RABGAP1L: variants seen among roughly 807,000 people sequenced by gnomAD.
RABGAP1L encodes the protein rab GTPase-activating protein 1-like.
A neutral mutation model predicts 137.7 loss-of-function variants in RABGAP1L; 63 were observed. That is an observed-to-expected ratio of 0.46 (90% CI 0.37 to 0.56). The LOEUF (loss-of-function observed/expected upper bound fraction) is 0.56, where lower values mean the gene tolerates loss of function less well. RABGAP1L is among the 20% of genes least tolerant of loss of function. The pLI is 0.00. For missense variants in RABGAP1L, 1,095 were observed against 1,244.0 expected, an observed-to-expected ratio of 0.88 and a Z score of 1.80; for synonymous variants, 431 against 433.7, an observed-to-expected ratio of 0.99 and a Z score of 0.08.
chr1:174,615,708 C>G (rs1373483622), intron 13 of RABGAP1L, among the ~76,000 whole-genome samples: 2 of 152,188 alleles, frequency 1.3e-5, no homozygotes, highest in Non-Finnish European at 2.9e-5. Context: ...AGGCAGGCCT[C>G]CTTGAGCTGT....
chr1:174,680,099 T>C (rs1677938939), intron 14 of RABGAP1L, among the ~76,000 whole-genome samples: 1 of 152,208 alleles, frequency 6.6e-6, no homozygotes, highest in African/African-American at 2.4e-5. Context: ...ACTTGCTCTT[T>C]GAAAAACAGC....
intron 19 of RABGAP1L, chr1:174,897,242 T>C (rs1462402410): frequency 6.6e-6 from 1 of 152,206 alleles, no homozygotes; most frequent in Non-Finnish European, 1.5e-5. Flanking sequence ...TCTGTTTGTC[T>C]GTTATTGGTG....
chr1:174,590,180 A>G (rs1463324935), intron 13 of RABGAP1L, among the ~76,000 whole-genome samples: 1 of 94,266 alleles, frequency 1.1e-5, no homozygotes, highest in African/African-American at 3.8e-5. Flanking sequence ...TTTTATTTAT[A>G]AATTACCATG....
intron 13 of RABGAP1L, among the ~76,000 whole-genome samples, chr1:174,526,821 G>A (rs1307238730): frequency 7.3e-5 from 11 of 151,456 alleles, no homozygotes. Flanking sequence ...TATCTATTTT[G>A]TTTAGCTCTG....
At chr1:174,359,152 C>T (rs1203121745) in intron 11 of RABGAP1L, among the ~76,000 whole-genome samples, 2 of 151,374 alleles carry the variant, frequency 1.3e-5, no homozygotes, top group African/African-American at 2.4e-5. Flanking sequence ...CGTATCTGCA[C>T]GGTTGCATTG....
intron 13 of RABGAP1L, among the ~76,000 whole-genome samples, chr1:174,610,675 T>A (rs1161263691): frequency 2.0e-5 from 3 of 152,170 alleles, no homozygotes; most frequent in African/African-American, 7.2e-5. Flanking sequence ...CCACCAACAG[T>A]GTAAAAGTAT....
chr1:174,294,945 G>C (rs1045835445), intron 10 of RABGAP1L, among the ~76,000 whole-genome samples: 12 of 151,582 alleles, frequency 7.9e-5, no homozygotes, highest in African/African-American at 2.7e-4. Flanking sequence ...TTGAGACAGA[G>C]TCTCCCTCTG....
chr1:174,522,347 G>C (rs961671245), intron 13 of RABGAP1L, among the ~76,000 whole-genome samples: 3 of 152,070 alleles, frequency 2.0e-5, no homozygotes, highest in African/African-American at 7.2e-5. Context: ...GGAAGCCTAG[G>C]CAGGTGATCA....
intron 19 of RABGAP1L, 118 bp from the exon 20 acceptor site, chr1:174,957,339 C>T: frequency 1.3e-6 from 1 of 745,114 alleles, no homozygotes; most frequent in Non-Finnish European, 2.3e-6. Context: ...TATTTTTCTC[C>T]TAACTTTGAG....
chr1:174,324,538 G>A (rs1013347493), intron 11 of RABGAP1L, among the ~76,000 whole-genome samples: 2 of 152,126 alleles, frequency 1.3e-5, no homozygotes, highest in African/African-American at 4.8e-5. Context: ...ATTAGAAATA[G>A]TCTTAAACTG....
At position 174,185,222 on chromosome 1, in the gene RABGAP1L, A is replaced by G. The variant is rs191688892; in HGVS notation, c.-34+25565A>G. 2.2e-3 allele frequency among the ~76,000 whole-genome samples: 332 copies of G among 152,266 alleles called. 1 individual carries two copies. Among genetic ancestry groups the G allele is most frequent in the African/African-American group, 7.6e-3 (315 of 41,556 alleles). On this transcript the variant is annotated intron_variant, in intron 1 of 25. Transcript: ENST00000681986. ...CTTAAGATGCCTTATAATCTTTTAG[A>G]TCTATTAGGTTGGTGCAAAAATGAT...
chr1:174,186,054 G>C (rs1175359582), intron 1 of RABGAP1L, among the ~76,000 whole-genome samples: 1 of 150,958 alleles, frequency 6.6e-6, no homozygotes, highest in Non-Finnish European at 1.5e-5. Flanking sequence ...TGAGGCAGGA[G>C]AATCGCTTGA....
At chr1:174,563,379 C>T (rs1259385779) in intron 13 of RABGAP1L, among the ~76,000 whole-genome samples, 2 of 152,104 alleles carry the variant, frequency 1.3e-5, no homozygotes, top group South Asian at 2.1e-4. Context: ...CAATATAGTA[C>T]ATTAATTAAA....
intron 25 of RABGAP1L, 141 bp from the exon 26 acceptor site, chr1:174,989,708 C>G (rs546691939): frequency 4.1e-4 from 327 of 802,912 alleles, no homozygotes; most frequent in Non-Finnish European, 5.3e-4. Context: ...TACTAAGAAG[C>G]CAATTCAATC....
chr1:174,850,027 G>C, intron 19 of RABGAP1L: 1 of 610,118 alleles, frequency 1.6e-6, no homozygotes, highest in Non-Finnish European at 3.1e-6. Context: ...TTAATTTCTG[G>C]ATAGAAACTA....
intron 13 of RABGAP1L, among the ~76,000 whole-genome samples, chr1:174,604,685 A>T (rs1234596773): frequency 1.3e-5 from 2 of 152,180 alleles, no homozygotes; most frequent in African/African-American, 4.8e-5. Flanking sequence ...GTCCATCCCT[A>T]AAAAACTGAG....
chr1:174,289,712 G>A (rs371472878), intron 10 of RABGAP1L, among the ~76,000 whole-genome samples: 1 of 152,178 alleles, frequency 6.6e-6, no homozygotes, highest in Admixed American at 6.5e-5. Flanking sequence ...GTGAGGCTGG[G>A]GTCTCTGATC....
At chr1:174,408,545 G>A (rs900016709) in intron 13 of RABGAP1L, among the ~76,000 whole-genome samples, 10 of 151,916 alleles carry the variant, frequency 6.6e-5, no homozygotes, top group African/African-American at 2.4e-4. Context: ...GTGTCTTTTC[G>A]ATAGAAATAT....
intron 18 of RABGAP1L, among the ~76,000 whole-genome samples, chr1:174,785,306 C>G (rs1303426666): frequency 6.6e-6 from 1 of 152,180 alleles, no homozygotes; most frequent in Non-Finnish European, 1.5e-5. Context: ...TCAGATGATC[C>G]ACCCATTTCA....
Sources: gnomAD v4.1 joint callset for allele counts (sites outside exome capture counted in the v4.1 genomes callset) on GRCh38, gnomAD v4.1.1 for gene constraint, MANE v1.5 for transcripts, NCBI Gene and HGNC (gene_info 2026-07-23, HGNC 2026-07-21) for gene names.